Variants in HEATR5A observed in about 807,000 individuals in gnomAD.
HEATR5A encodes HEAT repeat-containing protein 5A.
Under a neutral mutation model 218.8 loss-of-function variants are expected in HEATR5A, and 178 were observed. The observed-to-expected ratio is 0.81, with a 90% CI of 0.72 to 0.92. HEATR5A has a LOEUF of 0.92. Among genes scored for constraint, HEATR5A ranks in the 40% least tolerant of loss-of-function variants. The pLI, the probability that HEATR5A is intolerant of heterozygous loss-of-function variation, is 0.00. For synonymous variants in HEATR5A, 864 were observed against 871.6 expected (o/e 0.99, Z 0.15); for missense variants, 2,420 against 2,418.9 (o/e 1.00, Z -0.01).
At chr14:31,301,664 TG>T (rs1466392797) in intron 33 of HEATR5A, among the ~76,000 whole-genome samples, 1 of 152,198 alleles carries the variant, frequency 6.6e-6, no homozygotes, top group East Asian at 1.9e-4. Flanking sequence ...GGGTAATTTT[TG>T]TATTTTCAGT....
intron 23 of HEATR5A, chr14:31,325,763 G>GCCT (rs759167909): frequency 3.5e-4 from 57 of 165,132 alleles, no homozygotes; most frequent in Non-Finnish European, 5.7e-4. Context: ...CAATCTGCCT[G>GCCT]CCTCAGCCTC....
Position 31,292,057 on chromosome 14 carries a change from C to T in HEATR5A, c.*1248G>A, listed in dbSNP as rs1339104655. 1 of 152,162 alleles carries T rather than the reference C, an allele frequency of 6.6e-6. No homozygotes were observed. Among genetic ancestry groups the T allele is most frequent in the Non-Finnish European group, 1.5e-5 (1 of 68,030 alleles). The allele number at this position is 152,162 out of a possible 1,614,324, so 9.4% of individuals were successfully genotyped here. ...AACACTGAAGTAGAAGGAGAATCAA[C>T]AATCATGAACACAGTTAAAAAATAT... On this transcript the variant is annotated 3_prime_UTR_variant, in exon 36 of 36. Transcript: ENST00000543095.
chr14:31,339,959 A>C (rs938375400), intron 21 of HEATR5A, among the ~76,000 whole-genome samples: 1 of 152,220 alleles, frequency 6.6e-6, no homozygotes, highest in African/African-American at 2.4e-5. Context: ...CAGGTGCAGC[A>C]TTTATTCAGG....
chr14:31,417,216 C>T (rs1489943822), intron 1 of HEATR5A, among the ~76,000 whole-genome samples: 1 of 151,958 alleles, frequency 6.6e-6, no homozygotes, highest in Non-Finnish European at 1.5e-5. Context: ...TAAAACTTAA[C>T]ACAGTTGCTA....
At chr14:31,361,327 AC>A (rs1383450911) in intron 14 of HEATR5A, among the ~76,000 whole-genome samples, 1 of 152,248 alleles carries the variant, frequency 6.6e-6, no homozygotes, top group Non-Finnish European at 1.5e-5. Flanking sequence ...AAAGATAAAA[AC>A]AAAAGCACTA....
chr14:31,324,689 T>C (rs1197731242), intron 23 of HEATR5A, among the ~76,000 whole-genome samples: 5 of 151,390 alleles, frequency 3.3e-5, no homozygotes, highest in African/African-American at 7.3e-5. Flanking sequence ...TTTTCTTTTT[T>C]TTTTTTTTTT....
At position 31,323,739 on chromosome 14, in the gene HEATR5A, A is replaced by C; in HGVS notation, c.3613T>G (p.Ser1205Ala). 1 of 1,611,824 alleles carries C rather than the reference A, an allele frequency of 6.2e-7. No homozygotes were observed. Residue 1205 changes from serine to alanine, a missense_variant, in exon 24 of 36, where the codon TCA becomes GCA. Ser to Ala is a moderately conservative substitution (Grantham distance 99, BLOSUM62 1). Transcript: ENST00000543095. ...EEEGDKGDDA[S>A]VLTTRRDEKS... The stretch of plus-strand genomic sequence containing the variant: ...TCATCACGTCTGGTGGTCAGGACTG[A>C]GGCATCATCCCCTTTATCTCCTTCT...
rs563838390 is a variant in HEATR5A at position 31,306,768 on chromosome 14, G to C, written c.4930C>G (p.Gln1644Glu). 45 of 1,613,282 alleles carry C rather than the reference G, an allele frequency of 2.8e-5. No homozygotes were observed. In the South Asian group the frequency reaches 4.2e-4, roughly 15 times the overall value. The change falls in exon 31 of 36, where the codon CAA becomes GAA. Residue 1644 changes from glutamine to glutamate, a missense_variant. Gln to Glu is a conservative substitution (Grantham distance 29). Coordinates refer to ENST00000543095, the MANE Select transcript of HEATR5A (RefSeq NM_015473.4). The stretch of plus-strand genomic sequence containing the variant: ...CGTCTTTTTTCCTTCACATGTTCTT[G>C]AGCAGCACAGATAATCTGCCTTACC... The part of the protein sequence containing the change: ...EVVRQIICAA[Q>E]EHVKEKRRSA...
chr14:31,362,369 G>C (rs1308844641), intron 14 of HEATR5A, among the ~76,000 whole-genome samples: 3 of 151,136 alleles, frequency 2.0e-5, no homozygotes, highest in African/African-American at 7.3e-5. Context: ...ACTCCTGATT[G>C]CATTTCCAAA....
rs145677489 is a variant in HEATR5A at position 31,372,072 on chromosome 14, A to G, written c.1862-163T>C. 8.7e-3 allele frequency among the ~76,000 whole-genome samples: 1,330 copies of G among 152,162 alleles called. 16 individuals carry two copies. The highest frequency in any genetic ancestry group is 0.03 in the African/African-American group (1,239 of 41,516). On this transcript the variant is annotated intron_variant, in intron 12 of 35. Transcript: ENST00000543095. ...TATAAAAAGGTATATAGTGCTTTCT[A>G]CTCCTAATCATACTTAAAAAAACAA...
Position 31,406,217 on chromosome 14 carries a change from TTC to T in HEATR5A, c.-74-3170_-74-3169del, listed in dbSNP as rs377723980. Among the ~76,000 whole-genome samples the T allele has an allele frequency of 4.7e-4, 72 of 152,358 alleles. 1 individual carries two copies. In the East Asian group the frequency reaches 0.013, roughly 27 times the overall value. On this transcript the variant is annotated intron_variant, in intron 1 of 35. Coordinates refer to ENST00000543095, the MANE Select transcript of HEATR5A (RefSeq NM_015473.4). The stretch of plus-strand genomic sequence containing the variant: ...TGAGAAATGCTTATTTTTCTAATTT[TTC>T]TCTTAGTTTCCCTTATGTTTCTGTT...
In HEATR5A at chr14:31,388,799, A is replaced by G. The variant is rs374810080; in HGVS notation, c.933+46T>C. On this transcript the variant is annotated intron_variant, in intron 7 of 35. Transcript: ENST00000543095. ...GGAGTCAGATACTAAAACTTTCATT[A>G]TAGGCCAGTAAGAGTTAGACTGAGA... 2.9e-4 allele frequency: 441 copies of G among 1,505,036 alleles called. 2 individuals are homozygous for G. In the Middle Eastern group the frequency reaches 6.9e-3, roughly 23 times the overall value. The allele number at this position is 1,505,036 out of a possible 1,614,324, so 93.2% of individuals were successfully genotyped here. A position where few individuals can be genotyped will look rare whatever the true frequency, so the allele number is the denominator to read the frequency against.
chr14:31,384,620 G>A (rs865964087), intron 9 of HEATR5A, among the ~76,000 whole-genome samples: 6 of 150,968 alleles, frequency 4.0e-5, no homozygotes, highest in African/African-American at 1.2e-4. Context: ...TTCGCCTTCC[G>A]GGTTTAAGTG....
Position 31,302,321 on chromosome 14 carries a change from G to C in HEATR5A, c.5438C>G (p.Thr1813Arg), listed in dbSNP as rs1302623156. 1 of 1,599,584 alleles carries C rather than the reference G, an allele frequency of 6.3e-7. No individual in the cohort carries two copies. Among genetic ancestry groups the C allele is most frequent in the Admixed American group, 1.7e-5 (1 of 57,538 alleles). The change falls in exon 33 of 36, where the codon ACA becomes AGA. Residue 1813 changes from threonine (T) to arginine (R), a missense_variant. Thr to Arg is a moderately conservative substitution (Grantham distance 71, BLOSUM62 -1). Transcript: ENST00000543095. Reference protein sequence around the residue: ...AWTDLLRSALTTILDCWDPVD... With the variant: ...AWTDLLRSALRTILDCWDPVD... ...TGGATCCCAACAGTCAAGAATTGTT[G>C]TTAAGGCACTTCGGAGAAGGTCAGT...
intron 32 of HEATR5A, 129 bp downstream of exon 32, chr14:31,304,776 T>G (rs1442338178): frequency 2.2e-6 from 2 of 921,642 alleles, no homozygotes; most frequent in African/African-American, 1.7e-5. Flanking sequence ...TCTTAGAGGA[T>G]TAAAGACAAT....
intron 12 of HEATR5A, among the ~76,000 whole-genome samples, chr14:31,373,173 C>T (rs545999971): frequency 2.0e-5 from 3 of 151,974 alleles, no homozygotes; most frequent in South Asian, 2.1e-4. Flanking sequence ...CCACTCATCT[C>T]GGCCTCCAAA....
At chr14:31,320,267 A>G in intron 25 of HEATR5A, 1 of 708,690 alleles carries the variant, frequency 1.4e-6, no homozygotes, top group South Asian at 1.4e-5. Context: ...CAAACAGAAG[A>G]GCCCCATGGC....
intron 6 of HEATR5A, among the ~76,000 whole-genome samples, chr14:31,391,579 A>G (rs1166037006): frequency 1.3e-5 from 2 of 151,996 alleles, no homozygotes; most frequent in African/African-American, 2.4e-5. Flanking sequence ...GCATAGCCTA[A>G]GTGTACAGTG....
chr14:31,295,225 A>C (rs533634699), intron 34 of HEATR5A, among the ~76,000 whole-genome samples: 33 of 152,178 alleles, frequency 2.2e-4, no homozygotes, highest in African/African-American at 7.5e-4. Flanking sequence ...GTTATTTCAC[A>C]TTCATATTAC....
Sources: gnomAD v4.1 joint callset for allele counts (sites outside exome capture counted in the v4.1 genomes callset) on GRCh38, gnomAD v4.1.1 for gene constraint, MANE v1.5 for transcripts, NCBI Gene and HGNC (gene_info 2026-07-23, HGNC 2026-07-21) for gene names.